Variants in PRELID2 observed in about 807,000 individuals in gnomAD.
PRELID2 encodes PRELI domain containing 2, also known as PRELI domain-containing protein 2.
Under a neutral mutation model 28.4 loss-of-function variants are expected in PRELID2, and 25 were observed. That is an observed-to-expected ratio of 0.88 (90% CI 0.64 to 1.23). The LOEUF (loss-of-function observed/expected upper bound fraction) is 1.23, where lower values mean the gene tolerates loss of function less well. Ranked by LOEUF, PRELID2 falls within the 50% of genes most tolerant of loss-of-function variation. The pLI, the probability that PRELID2 is intolerant of heterozygous loss-of-function variation, is 0.00. For missense variants in PRELID2, 201 were observed against 214.4 expected (o/e 0.94, Z 0.39); for synonymous variants, 76 against 71.6 (o/e 1.06, Z -0.31).
intron 1 of PRELID2, chr5:145,703,770 C>T (rs1377813136): frequency 6.6e-6 from 1 of 152,194 alleles, no homozygotes; most frequent in Non-Finnish European, 1.5e-5. Flanking sequence ...GAGCATCACA[C>T]AACAAATTTC....
chr5:145,481,623 C>CAAAAAAAAAAAAAAAAAAA (rs70998021), intron 1 of PRELID2, among the ~76,000 whole-genome samples: 135 of 41,866 alleles, frequency 3.2e-3, no homozygotes, highest in Middle Eastern at 0.02. Context: ...GCAAGGAAAT[C>CAAAAAAAAAAAAAAAAAAA]AAAAAAAAAA....
chr5:145,674,115 G>A (rs1032676165), intron 1 of PRELID2, among the ~76,000 whole-genome samples: 1 of 152,108 alleles, frequency 6.6e-6, no homozygotes, highest in African/African-American at 2.4e-5. Context: ...GCCCTGCTTG[G>A]TATTAAGATG....
At chr5:145,825,477 T>G (rs1221926033) in intron 1 of PRELID2, among the ~76,000 whole-genome samples, 2 of 152,174 alleles carry the variant, frequency 1.3e-5, no homozygotes, top group Admixed American at 6.5e-5. Flanking sequence ...AAAATGTGCT[T>G]ATCTCGTTTA....
chr5:145,284,725 A>T, the PRELID2 span, among the ~76,000 whole-genome samples: 7 of 152,088 alleles, frequency 4.6e-5, no homozygotes, highest in South Asian at 1.4e-3. Context: ...CCTCAATCCT[A>T]ACCTGGCCCC....
At chr5:145,260,125 G>GTCT in the PRELID2 span, among the ~76,000 whole-genome samples, 1 of 152,054 alleles carries the variant, frequency 6.6e-6, no homozygotes, top group Non-Finnish European at 1.5e-5. Flanking sequence ...CTACCCCTTT[G>GTCT]TCTTCCACCA....
intron 1 of PRELID2, among the ~76,000 whole-genome samples, chr5:145,741,236 A>T (rs1352548496): frequency 8.8e-6 from 1 of 113,196 alleles, no homozygotes; most frequent in African/African-American, 3.7e-5. Context: ...ATAATATATA[A>T]TATAAATATA....
intron 1 of PRELID2, among the ~76,000 whole-genome samples, chr5:145,509,753 T>C (rs1752444920): frequency 6.6e-6 from 1 of 152,222 alleles, no homozygotes. Flanking sequence ...GCAGATGCTG[T>C]TTTCTTCCTT....
chr5:145,722,365 T>C (rs1756014252), intron 1 of PRELID2, among the ~76,000 whole-genome samples: 1 of 152,166 alleles, frequency 6.6e-6, no homozygotes, highest in African/African-American at 2.4e-5. Context: ...AGTAGCACAA[T>C]CTCAGCTCAC....
chr5:145,618,607 G>A (rs1331253659), intron 1 of PRELID2, among the ~76,000 whole-genome samples: 1 of 152,180 alleles, frequency 6.6e-6, no homozygotes, highest in Non-Finnish European at 1.5e-5. Context: ...AATGGGCTGT[G>A]TAAGGGTACC....
chr5:145,448,530 A>G, the PRELID2 span, among the ~76,000 whole-genome samples: 3 of 152,164 alleles, frequency 2.0e-5, no homozygotes, highest in Non-Finnish European at 4.4e-5. Context: ...CAGGGGTTGC[A>G]ATCCTAGTCT....
chr5:145,812,613 G>C (rs1754025920), intron 4 of PRELID2, among the ~76,000 whole-genome samples: 1 of 149,362 alleles, frequency 6.7e-6, no homozygotes, highest in Non-Finnish European at 1.5e-5. Flanking sequence ...CCTGCACATA[G>C]TAAACACATG....
At chr5:145,586,174 C>T (rs2149627928) in intron 1 of PRELID2, among the ~76,000 whole-genome samples, 1 of 152,096 alleles carries the variant, frequency 6.6e-6, no homozygotes, top group African/African-American at 2.4e-5. Context: ...CAGTGCTCAC[C>T]CTGTGTCCTC....
At chr5:145,385,397 A>G in the PRELID2 span, among the ~76,000 whole-genome samples, 10 of 152,308 alleles carry the variant, frequency 6.6e-5, no homozygotes, top group East Asian at 1.9e-3. Flanking sequence ...ATTTTGAAGT[A>G]CAAATAGTCT....
the PRELID2 span, among the ~76,000 whole-genome samples, chr5:145,451,767 A>C: frequency 6.6e-6 from 1 of 152,146 alleles, no homozygotes; most frequent in African/African-American, 2.4e-5. Context: ...TTATTTTTTA[A>C]AGTCAGTTTA....
chr5:145,746,522 G>T (rs1420515110), intron 1 of PRELID2, among the ~76,000 whole-genome samples: 1 of 152,118 alleles, frequency 6.6e-6, no homozygotes, highest in Non-Finnish European at 1.5e-5. Context: ...GGAGCACCCA[G>T]ATTCATAAAA....
the PRELID2 span, among the ~76,000 whole-genome samples, chr5:145,305,323 T>G: frequency 6.6e-6 from 1 of 152,112 alleles, no homozygotes; most frequent in Non-Finnish European, 1.5e-5. Context: ...CAGAAATCAG[T>G]AGTACCAAGT....
At chr5:145,508,815 C>G (rs1452616337) in intron 1 of PRELID2, among the ~76,000 whole-genome samples, 2 of 152,096 alleles carry the variant, frequency 1.3e-5, no homozygotes, top group Non-Finnish European at 2.9e-5. Context: ...GGGGTGGGAA[C>G]AGAATGGTGG....
chr5:145,734,932 C>T (rs1016599093), intron 1 of PRELID2, among the ~76,000 whole-genome samples: 17 of 152,218 alleles, frequency 1.1e-4, no homozygotes, highest in Admixed American at 7.2e-4. Flanking sequence ...CAGAAGCTAA[C>T]GGAAATGTTT....
chr5:145,743,895 T>C (rs972823906), intron 1 of PRELID2, among the ~76,000 whole-genome samples: 15 of 152,318 alleles, frequency 9.8e-5, no homozygotes, highest in East Asian at 1.9e-4. Flanking sequence ...GTGGCCAGCA[T>C]TGGGACTCAC....
Sources: allele counts gnomAD v4.1 joint callset (sites outside exome capture counted in the v4.1 genomes callset), GRCh38; gene constraint gnomAD v4.1.1; transcripts MANE v1.5; gene names NCBI Gene and HGNC (gene_info 2026-07-23, HGNC 2026-07-21).